Variants in FNDC3B observed in about 807,000 individuals in gnomAD.
FNDC3B encodes the protein fibronectin type III domain containing 3B, also known as fibronectin type III domain-containing protein 3B.
In FNDC3B, 12 loss-of-function variants were observed where a neutral mutation model predicts 151.5. The observed-to-expected ratio is 0.08, with a 90% CI of 0.05 to 0.13. The LOEUF is 0.13. Among genes scored for constraint, FNDC3B ranks in the 10% least tolerant of loss-of-function variants. The pLI is 1.00. For missense variants in FNDC3B, 1,214 were observed against 1,505.3 expected, an observed-to-expected ratio of 0.81 and a Z score of 3.20; for synonymous variants, 528 against 549.0, an observed-to-expected ratio of 0.96 and a Z score of 0.54.
chr3:172,298,007 C>T (rs1296591186), intron 8 of FNDC3B, among the ~76,000 whole-genome samples: 1 of 152,192 alleles, frequency 6.6e-6, no homozygotes, highest in South Asian at 2.1e-4. Flanking sequence ...AGGAGCTAGT[C>T]TAGGGTCATA....
At chr3:172,305,362 T>C (rs555709555) in intron 9 of FNDC3B, among the ~76,000 whole-genome samples, 7 of 152,382 alleles carry the variant, frequency 4.6e-5, no homozygotes, top group African/African-American at 1.7e-4. Context: ...CCATTCATTT[T>C]TCCCTTTATC....
chr3:172,352,658 A>G lies in FNDC3B; in HGVS notation c.2515-145A>G. On this transcript the variant is annotated intron_variant, in intron 21 of 25. Coordinates refer to ENST00000415807, the MANE Select transcript of FNDC3B (RefSeq NM_022763.4). The surrounding 1 kb of genome is among the most constrained non-coding windows in gnomAD (Gnocchi z 4.2). ...GCATTCTTTGGAAGGTGGTCATCAG[A>G]TAGTAGACATTTTCTAGGATTTATT... The G allele has an allele frequency of 2.3e-6, 2 of 857,798 alleles. No homozygotes were observed. The highest frequency in any genetic ancestry group is 3.7e-5 in the South Asian group (2 of 53,562). The allele number at this position is 857,798 out of a possible 1,614,324, so 53.1% of individuals were successfully genotyped here. A position where few individuals can be genotyped will look rare whatever the true frequency, so the allele number is the denominator to read the frequency against.
Position 172,285,920 on chromosome 3 carries a change from A to G in FNDC3B, c.791-6A>G. 1 of 1,611,926 alleles carries G rather than the reference A, an allele frequency of 6.2e-7. No homozygotes were observed. The highest frequency in any genetic ancestry group is 8.5e-7 in the Non-Finnish European group (1 of 1,178,740). On this transcript the variant is annotated splice_region_variant and splice_polypyrimidine_tract_variant and intron_variant, in intron 6 of 25. Coordinates refer to ENST00000415807, the MANE Select transcript of FNDC3B (RefSeq NM_022763.4). ...TGTTTTTCCTTTTTTCTTTTTCGCA[A>G]TGCAGAATATGAGTTGGAAGTAAAG...
chr3:172,198,039 A>G (rs950743445), intron 3 of FNDC3B, among the ~76,000 whole-genome samples: 18 of 152,216 alleles, frequency 1.2e-4, no homozygotes, highest in Non-Finnish European at 2.1e-4. Context: ...TTACAATTCA[A>G]TGGGTTATAT....
Position 172,254,820 on chromosome 3 carries a change from G to A in FNDC3B, c.790+3279G>A, listed in dbSNP as rs541466760. ...GTGTGATGTGAGCCGAGAACAGTTG[G>A]GGCTTTAGTATTAGACATATAGTAC... On this transcript the variant is annotated intron_variant, in intron 6 of 25. Transcript: ENST00000415807. Among the ~76,000 whole-genome samples the A allele has an allele frequency of 3.5e-4, 54 of 152,202 alleles. No individual in the cohort carries two copies. The Middle Eastern group carries it at 0.014, about 38-fold the overall frequency.
intron 15 of FNDC3B, 70 bp from the exon 16 acceptor site, chr3:172,337,260 G>A (rs1003738602): frequency 1.3e-5 from 14 of 1,064,546 alleles, no homozygotes; most frequent in Non-Finnish European, 1.6e-5. Context: ...GATTTTATGA[G>A]TCCTGATGAT....
chr3:172,385,178 G>A (rs1255853154), intron 25 of FNDC3B, among the ~76,000 whole-genome samples: 1 of 152,040 alleles, frequency 6.6e-6, no homozygotes, highest in Admixed American at 6.6e-5. Context: ...ACATATTTAT[G>A]TGTGCAGAAC....
chr3:172,174,702 G>C (rs748114931), intron 3 of FNDC3B, among the ~76,000 whole-genome samples: 6 of 152,060 alleles, frequency 3.9e-5, no homozygotes, highest in Non-Finnish European at 8.8e-5. Context: ...TTGGGAGGGC[G>C]ACAGCAAAGG....
intron 3 of FNDC3B, among the ~76,000 whole-genome samples, chr3:172,153,778 T>C (rs1722349202): frequency 6.6e-6 from 1 of 152,208 alleles, no homozygotes; most frequent in Non-Finnish European, 1.5e-5. Flanking sequence ...GTCTCAAACA[T>C]CTGAGAGGAT....
At position 172,147,777 on chromosome 3, in the gene FNDC3B, G is replaced by A. The variant is rs146301975; in HGVS notation, c.187+14231G>A. 3.3e-3 allele frequency among the ~76,000 whole-genome samples: 495 copies of A among 149,814 alleles called. 2 individuals are homozygous for A. Among genetic ancestry groups the A allele is most frequent in the Non-Finnish European group, 5.9e-3 (395 of 67,036 alleles). ...TCTGAGACTCATGGAGGTGGAGATC[G>A]TCGGGGTTGGTGACATTTGTAAGAG... On this transcript the variant is annotated intron_variant, in intron 3 of 25. Transcript: ENST00000415807.
chr3:172,381,249 G>A (rs778730485), intron 25 of FNDC3B, among the ~76,000 whole-genome samples, 156 bp downstream of exon 25: 1 of 152,184 alleles, frequency 6.6e-6, no homozygotes, highest in Non-Finnish European at 1.5e-5. Flanking sequence ...CAGAGTGGGT[G>A]AAACCTAGTT....
chr3:172,297,766 G>T (rs577979739), intron 8 of FNDC3B, among the ~76,000 whole-genome samples: 2 of 100,524 alleles, frequency 2.0e-5, no homozygotes, highest in East Asian at 5.6e-4. Flanking sequence ...GAGCCACCGC[G>T]CCCGGCCTTT....
chr3:172,304,239 C>G (rs1432850695), intron 9 of FNDC3B, among the ~76,000 whole-genome samples: 1 of 152,218 alleles, frequency 6.6e-6, no homozygotes, highest in Non-Finnish European at 1.5e-5. Context: ...TTTACCTTTC[C>G]CCAGACAACT....
intron 15 of FNDC3B, among the ~76,000 whole-genome samples, chr3:172,336,022 G>A (rs1732945590): frequency 6.6e-6 from 1 of 152,076 alleles, no homozygotes. Context: ...AGACCATAGA[G>A]CTTTTCTCTC....
At chr3:172,117,072 C>T (rs548538006) in intron 2 of FNDC3B, among the ~76,000 whole-genome samples, 1 of 152,180 alleles carries the variant, frequency 6.6e-6, no homozygotes, top group Non-Finnish European at 1.5e-5. Flanking sequence ...TTTTTTATTT[C>T]TCTTGTATAT....
rs971223112 is a variant in FNDC3B at position 172,366,824 on chromosome 3, A to G, written c.3008+3979A>G. Among the ~76,000 whole-genome samples, 7 of 152,340 alleles carry G rather than the reference A, an allele frequency of 4.6e-5. No homozygotes were observed. In the South Asian group the frequency reaches 8.3e-4, roughly 18 times the overall value. On this transcript the variant is annotated intron_variant, in intron 23 of 25. Coordinates refer to ENST00000415807, the MANE Select transcript of FNDC3B (RefSeq NM_022763.4). ...TCTTGTAACCTCATGCCTGGGGAGC[A>G]TTGGGATGGAGACTAGTGATGAAGA... is the stretch of plus-strand genomic sequence containing the variant.
intron 14 of FNDC3B, among the ~76,000 whole-genome samples, chr3:172,334,472 C>T (rs895899759): frequency 2.0e-5 from 3 of 152,056 alleles, no homozygotes; most frequent in Admixed American, 1.3e-4. Context: ...GTTGGAGTTT[C>T]GCTCTTGTTG....
At chr3:172,380,079 T>C (rs1182737988) in intron 24 of FNDC3B, among the ~76,000 whole-genome samples, 28 of 151,900 alleles carry the variant, frequency 1.8e-4, no homozygotes, top group Non-Finnish European at 7.4e-5. Flanking sequence ...TCTTCTTCTT[T>C]TTTTTTAAGG....
intron 9 of FNDC3B, among the ~76,000 whole-genome samples, chr3:172,299,090 T>C (rs1730775853): frequency 6.6e-6 from 1 of 152,194 alleles, no homozygotes; most frequent in Non-Finnish European, 1.5e-5. Flanking sequence ...GTAAAACAAA[T>C]GAAACTTTTG....
Sources: gnomAD v4.1 joint callset for allele counts (sites outside exome capture counted in the v4.1 genomes callset) on GRCh38, gnomAD v4.1.1 for gene constraint, Gnocchi (gnomAD v3.1) non-coding constraint, MANE v1.5 for transcripts, NCBI Gene and HGNC (gene_info 2026-07-23, HGNC 2026-07-21) for gene names.